CERS3: variants seen among roughly 807,000 people sequenced by gnomAD.
The protein encoded by CERS3 is ceramide synthase 3.
A neutral mutation model predicts 50.3 loss-of-function variants in CERS3; 33 were observed. The ratio of observed to expected loss-of-function variants is 0.66; its 90% CI spans 0.50 to 0.88. The LOEUF (loss-of-function observed/expected upper bound fraction) is 0.88, where lower values mean the gene tolerates loss of function less well. Ranked by LOEUF, CERS3 falls within the 40% of genes least tolerant of loss-of-function variation. The pLI is 0.00. For synonymous variants in CERS3, 176 were observed against 155.2 expected (o/e 1.13, Z -0.99); for missense variants, 470 against 460.3 (o/e 1.02, Z -0.19).
chr15:100,502,021 C>T (rs893223915), intron 2 of CERS3, among the ~76,000 whole-genome samples, 171 bp from the exon 3 acceptor site: 2 of 151,826 alleles, frequency 1.3e-5, no homozygotes, highest in Non-Finnish European at 2.9e-5. Context: ...CCAAGGCGGG[C>T]GGATCATGAG....
chr15:100,539,669 G>A (rs894509574), intron 1 of CERS3, among the ~76,000 whole-genome samples: 16 of 152,116 alleles, frequency 1.1e-4, no homozygotes, highest in Admixed American at 7.9e-4. Flanking sequence ...TCTTTCCCTC[G>A]ACACATGTGG....
Position 100,536,207 on chromosome 15 carries a change from A to C in CERS3, c.-354-7132T>G, listed in dbSNP as rs116595291. On this transcript the variant is annotated intron_variant, in intron 1 of 12. Transcript: ENST00000284382. ...TATGCTCATATGTTAAGCATGAATT[A>C]AGACCACAGAGAAGATTGACTCTCA... 6.2e-3 allele frequency among the ~76,000 whole-genome samples: 930 copies of C among 149,714 alleles called. 37 individuals carry two copies. The highest frequency in any genetic ancestry group is 0.023 in the African/African-American group (886 of 39,078).
intron 2 of CERS3, among the ~76,000 whole-genome samples, chr15:100,506,470 C>CACCCCG (rs1555533169): frequency 1.5e-5 from 2 of 133,512 alleles, no homozygotes; most frequent in African/African-American, 5.9e-5. Flanking sequence ...GACCCCCCCG[C>CACCCCG]CGCCCCACAC....
At position 100,484,448 on chromosome 15, in the gene CERS3, T is replaced by C. The variant is rs181374930; in HGVS notation, c.407+102A>G. Reference sequence around the variant, plus strand: ...CACATCAGTGGGTGACAGAGCTGGGTCTGAACCCTCCCTCTGCTGCTCCGG... The same window carrying C: ...CACATCAGTGGGTGACAGAGCTGGGCCTGAACCCTCCCTCTGCTGCTCCGG... On this transcript the variant is annotated intron_variant, in intron 5 of 11. Coordinates refer to ENST00000679737, the MANE Select transcript of CERS3 (RefSeq NM_001378789.1). 20 of 802,654 alleles carry C rather than the reference T, an allele frequency of 2.5e-5. No homozygotes were observed. In the Admixed American group the frequency reaches 3.0e-4, roughly 12 times the overall value. The allele number at this position is 802,654 out of a possible 1,614,324, so 49.7% of individuals were successfully genotyped here.
At chr15:100,516,323 G>C (rs2036486503) in intron 2 of CERS3, among the ~76,000 whole-genome samples, 1 of 152,174 alleles carries the variant, frequency 6.6e-6, no homozygotes, top group African/African-American at 2.4e-5. Flanking sequence ...GAGAACAGTG[G>C]CTCTGCAGTC....
At chr15:100,514,102 C>A (rs1375735598) in intron 2 of CERS3, among the ~76,000 whole-genome samples, 2 of 152,208 alleles carry the variant, frequency 1.3e-5, no homozygotes, top group African/African-American at 4.8e-5. Context: ...TGCCCATGGA[C>A]AACTAGCATG....
rs372786715 is a variant in CERS3 at position 100,481,890 on chromosome 15, T to G, written c.408-1844A>C. On this transcript the variant is annotated intron_variant, in intron 5 of 11. Coordinates refer to ENST00000679737, the MANE Select transcript of CERS3 (RefSeq NM_001378789.1). ...TTTTCAGAATATTACTAACACATTA[T>G]TTGCTTTTTTTCCTGTCATTCTCTC... 1.1e-4 allele frequency among the ~76,000 whole-genome samples: 16 copies of G among 152,318 alleles called. No homozygotes were observed. The South Asian group carries it at 2.7e-3, about 26-fold the overall frequency.
intron 11 of CERS3, among the ~76,000 whole-genome samples, chr15:100,433,241 A>G (rs1596651249): frequency 6.6e-6 from 1 of 152,006 alleles, no homozygotes; most frequent in East Asian, 1.9e-4. Context: ...GTCTCAAAAA[A>G]AAAAAAAAAA....
At chr15:100,454,420 T>C (rs2034288952) in intron 11 of CERS3, among the ~76,000 whole-genome samples, 1 of 149,308 alleles carries the variant, frequency 6.7e-6, no homozygotes, top group African/African-American at 2.4e-5. Flanking sequence ...AATGCCATTT[T>C]TCACAGAAAT....
chr15:100,505,153 T>C (rs772308750), intron 2 of CERS3, among the ~76,000 whole-genome samples: 7 of 152,148 alleles, frequency 4.6e-5, no homozygotes, highest in Non-Finnish European at 1.0e-4. Flanking sequence ...ATTTAATAGA[T>C]AAGGACTCAG....
In CERS3 at chr15:100,484,627, C is replaced by T. The variant is rs142288536; in HGVS notation, c.330G>A (p.Glu110=). The change falls in exon 5 of 12, where the codon GAG becomes GAA. Residue 110 remains glutamate, a synonymous_variant. Transcript: ENST00000679737. ...TCCTAAACCATCTTTCCACCTGGCG[C>T]TCCGTCAAGTTACACTTCTTTGCCA... ...YGLAKKCNLT[E]RQVERWFRSR... is the part of the protein sequence containing the mutation. 3.7e-6 allele frequency: 6 copies of T among 1,614,016 alleles called. No individual in the cohort carries two copies. Among genetic ancestry groups the T allele is most frequent in the Middle Eastern group, 1.6e-4 (1 of 6,084 alleles).
chr15:100,445,742 G>A (rs10162806), intron 11 of CERS3, among the ~76,000 whole-genome samples: 69,658 of 151,662 alleles, frequency 0.46, 16,889 homozygotes, highest in Non-Finnish European at 0.54. Flanking sequence ...AATTTTCACC[G>A]TCCCAACACT....
At chr15:100,468,514 C>G (rs2034858959) in intron 10 of CERS3, among the ~76,000 whole-genome samples, 1 of 152,210 alleles carries the variant, frequency 6.6e-6, no homozygotes, top group African/African-American at 2.4e-5. Context: ...AGGGTGCTGT[C>G]TATACACTTA....
chr15:100,489,010 C>A (rs1172446970), intron 4 of CERS3, among the ~76,000 whole-genome samples: 1 of 152,136 alleles, frequency 6.6e-6, no homozygotes, highest in African/African-American at 2.4e-5. Context: ...CTCCAGACCT[C>A]GTGATCCACC....
At chr15:100,485,358 A>G (rs939163527) in intron 4 of CERS3, among the ~76,000 whole-genome samples, 1 of 152,214 alleles carries the variant, frequency 6.6e-6, no homozygotes, top group Non-Finnish European at 1.5e-5. Context: ...TAAAATTGGA[A>G]ACAATATGAA....
chr15:100,493,992 G>A (rs371805438), intron 3 of CERS3, among the ~76,000 whole-genome samples: 1 of 151,692 alleles, frequency 6.6e-6, no homozygotes, highest in African/African-American at 2.4e-5. Context: ...CCACTATCTA[G>A]GCTTTCTCAG....
At chr15:100,430,632 C>T (rs1290411861) in intron 11 of CERS3, among the ~76,000 whole-genome samples, 4 of 152,148 alleles carry the variant, frequency 2.6e-5, no homozygotes, top group Non-Finnish European at 4.4e-5. Flanking sequence ...TGTCTAAATC[C>T]GCAGTTGGCA....
At chr15:100,473,203 G>T (rs1477270756) in intron 8 of CERS3, 151 bp from the exon 9 acceptor site, 3 of 797,654 alleles carry the variant, frequency 3.8e-6, no homozygotes, top group South Asian at 3.7e-5. Flanking sequence ...CACAATCTTT[G>T]TGAGGGAGCT....
chr15:100,410,023 A>G (rs1433116206), intron 11 of CERS3, among the ~76,000 whole-genome samples: 1 of 152,212 alleles, frequency 6.6e-6, no homozygotes, highest in Non-Finnish European at 1.5e-5. Context: ...CCGCCATTAC[A>G]GAGCATATTG....
Sources: gnomAD v4.1 joint callset for allele counts (sites outside exome capture counted in the v4.1 genomes callset) on GRCh38, gnomAD v4.1.1 for gene constraint, MANE v1.5 for transcripts, NCBI Gene and HGNC (gene_info 2026-07-23, HGNC 2026-07-21) for gene names.